Variants in CSRNP2 observed in about 807,000 individuals in gnomAD.
CSRNP2 encodes cysteine/serine-rich nuclear protein 2.
Under a neutral mutation model 36.6 loss-of-function variants are expected in CSRNP2, and 11 were observed. The ratio of observed to expected loss-of-function variants is 0.30; its 90% confidence interval spans 0.19 to 0.50. The LOEUF (loss-of-function observed/expected upper bound fraction) is 0.50. Ranked by LOEUF, CSRNP2 falls within the 20% of genes least tolerant of loss-of-function variation. The pLI, the probability that CSRNP2 is intolerant of heterozygous loss-of-function variation, is 0.98. For missense variants in CSRNP2, 483 were observed against 691.4 expected, an observed-to-expected ratio of 0.70 and a Z score of 3.38; for synonymous variants, 248 against 275.3, an observed-to-expected ratio of 0.90 and a Z score of 0.98.
At position 51,063,871 on chromosome 12, in the gene CSRNP2, AG is replaced by A; in HGVS notation, c.1506del (p.Trp503GlyfsTer19). Reference protein sequence around the residue: ...EEPENEDFHPSWSPSSLPFRT... With the variant: ...EEPENEDFHPXWSPSSLPFRT... The stretch of plus-strand genomic sequence containing the variant: ...CGGAAGGGGAGGCTTGAGGGGGACC[AG>A]GAAGGGTGGAAGTCTTCATTTTCAG... On this transcript the variant is annotated frameshift_variant, in exon 5 of 5. Transcript: ENST00000228515. LOFTEE classifies it high-confidence loss of function. The A allele has an allele frequency of 6.2e-7, 1 of 1,614,128 alleles. No homozygotes were observed. The highest frequency in any genetic ancestry group is 8.5e-7 in the Non-Finnish European group (1 of 1,180,000).
intron 3 of CSRNP2, among the ~76,000 whole-genome samples, 163 bp from the exon 4 acceptor site, chr12:51,068,132 A>G (rs967627622): frequency 6.6e-6 from 1 of 152,212 alleles, no homozygotes; most frequent in African/African-American, 2.4e-5. Context: ...ACTGAGCACT[A>G]GAAATGCAGC....
At chr12:51,064,978 C>G (rs1421331888) in intron 4 of CSRNP2, among the ~76,000 whole-genome samples, 1 of 152,106 alleles carries the variant, frequency 6.6e-6, no homozygotes, top group Non-Finnish European at 1.5e-5. Flanking sequence ...AGGGTCCTTC[C>G]AGTTAAGAGT....
chr12:51,071,825 T>C (rs1939172330), intron 3 of CSRNP2, among the ~76,000 whole-genome samples: 1 of 152,212 alleles, frequency 6.6e-6, no homozygotes, highest in African/African-American at 2.4e-5. Flanking sequence ...ATGCCTTCAC[T>C]GCAATTGATG....
intron 3 of CSRNP2, among the ~76,000 whole-genome samples, chr12:51,068,693 G>T (rs998828879): frequency 1.3e-5 from 2 of 152,066 alleles, no homozygotes; most frequent in Non-Finnish European, 2.9e-5. Context: ...GAGAGGAAAA[G>T]GTATGTGAAT....
At chr12:51,065,164 C>T (rs1304706946) in intron 4 of CSRNP2, among the ~76,000 whole-genome samples, 1 of 152,102 alleles carries the variant, frequency 6.6e-6, no homozygotes, top group Non-Finnish European at 1.5e-5. Flanking sequence ...AAAAAAAATA[C>T]ATTCTGGGGA....
At chr12:51,071,241 C>T (rs111562452) in intron 3 of CSRNP2, among the ~76,000 whole-genome samples, 53 of 134,104 alleles carry the variant, frequency 4.0e-4, no homozygotes, top group Admixed American at 4.2e-4. Flanking sequence ...GCCTGGGCAA[C>T]GGAGTGAGAC....
chr12:51,076,866 A>G (rs1939424121), intron 1 of CSRNP2: 2 of 246,022 alleles, frequency 8.1e-6, no homozygotes, highest in Non-Finnish European at 8.0e-6. Context: ...GATGGGTAGC[A>G]GCAGCACCTT....
chr12:51,069,479 GT>G (rs1938840062), intron 3 of CSRNP2, among the ~76,000 whole-genome samples: 1 of 149,318 alleles, frequency 6.7e-6, no homozygotes, highest in Non-Finnish European at 1.5e-5. Flanking sequence ...TAGAGACAGG[GT>G]TTCACAATGT....
Position 51,073,436 on chromosome 12 carries a change from T to TA in CSRNP2, c.411+386dup, listed in dbSNP as rs377604985. On this transcript the variant is annotated intron_variant, in intron 3 of 4. Transcript: ENST00000228515. ...CTATACCCCAAGGACAACAGTCAAA[T>TA]AAAAAAAAAAATCAGCTGGGTGCAG... Among the ~76,000 whole-genome samples, 165 of 144,982 alleles carry TA rather than the reference T, an allele frequency of 1.1e-3. No homozygotes were observed. In the East Asian group the frequency reaches 0.014, roughly 12 times the overall value.
Position 51,076,652 on chromosome 12 carries a change from C to CCCGCCG in CSRNP2, c.-86-6_-86-5insCGGCGG. 1 of 1,475,336 alleles carries CCCGCCG rather than the reference C, an allele frequency of 6.8e-7. No homozygotes were observed. The highest frequency in any genetic ancestry group is 1.4e-5 in the African/African-American group (1 of 71,366). The allele number at this position is 1,475,336 out of a possible 1,614,324, so 91.4% of individuals were successfully genotyped here. On this transcript the variant is annotated splice_polypyrimidine_tract_variant and splice_region_variant and intron_variant, in intron 1 of 4. Transcript: ENST00000228515. ...CTAGCCAGGTACATTAGGATTCTGC[C>CCCGCCG]CAGGGAAAAAAAGGAATCAGCATTC...
Position 51,063,721 on chromosome 12 carries a change from T to A in CSRNP2, c.*25A>T. 1 of 1,486,444 alleles carries A rather than the reference T, an allele frequency of 6.7e-7. No homozygotes were observed. Among genetic ancestry groups the A allele is most frequent in the Non-Finnish European group, 9.0e-7 (1 of 1,111,032 alleles). 92.1% of individuals were successfully genotyped at this position (1,486,444 alleles called of 1,614,324 possible). A position where few individuals can be genotyped will look rare whatever the true frequency, so the allele number is the denominator to read the frequency against. ...AATAAGGGAATAAATAGAGAATGGG[T>A]AAGAGGCAGGACCTCTAGCGCCTGT... On this transcript the variant is annotated 3_prime_UTR_variant, in exon 5 of 5. Coordinates refer to ENST00000228515, the MANE Select transcript of CSRNP2 (RefSeq NM_030809.3).
At chr12:51,081,894 G>A (rs1034516605) in intron 1 of CSRNP2, among the ~76,000 whole-genome samples, 1 of 151,660 alleles carries the variant, frequency 6.6e-6, no homozygotes, top group Non-Finnish European at 1.5e-5. Flanking sequence ...GACTGCCCAG[G>A]CAAAATTTTC....
Position 51,066,319 on chromosome 12 carries a change from G to A in CSRNP2, c.708+1354C>T, listed in dbSNP as rs1050294458. 4.6e-5 allele frequency among the ~76,000 whole-genome samples: 7 copies of A among 152,150 alleles called. No individual in the cohort carries two copies. The South Asian group carries it at 1.5e-3, about 32-fold the overall frequency. ...AATACAAAAATTAGCTGGGTGTGGT[G>A]GTGTGTGCCTATAGTCCCAGCTACT... On this transcript the variant is annotated intron_variant, in intron 4 of 4. Coordinates refer to ENST00000228515, the MANE Select transcript of CSRNP2 (RefSeq NM_030809.3).
chr12:51,066,649 A>AG (rs2136857730), intron 4 of CSRNP2, among the ~76,000 whole-genome samples: 2 of 151,622 alleles, frequency 1.3e-5, no homozygotes, highest in East Asian at 3.9e-4. Flanking sequence ...TCAAAAAAAA[A>AG]AAAGGGCAGC....
chr12:51,079,216 C>T (rs973919090), intron 1 of CSRNP2, among the ~76,000 whole-genome samples: 6 of 151,960 alleles, frequency 3.9e-5, no homozygotes, highest in African/African-American at 1.5e-4. Flanking sequence ...CACACCGGGG[C>T]CTGTCGTGGG....
At position 51,063,968 on chromosome 12, in the gene CSRNP2, G is replaced by A. The variant is rs1453013767; in HGVS notation, c.1410C>T (p.Leu470=). 6.2e-7 allele frequency: 1 copy of A among 1,613,214 alleles called. No homozygotes were observed. The highest frequency in any genetic ancestry group is 8.5e-7 in the Non-Finnish European group (1 of 1,179,190). Residue 470 remains leucine (L), a synonymous_variant, in exon 5 of 5, where the codon CTC becomes CTT. Transcript: ENST00000228515. ...VACSSTDPAA[L]CKSEVGKTPT... is the part of the protein sequence containing the mutation. ...GTGTTTTCCCCACCTCTGATTTACA[G>A]AGGGCAGCTGGGTCTGTGGAGCTAC...
intron 3 of CSRNP2, among the ~76,000 whole-genome samples, chr12:51,069,890 C>T (rs1046135498): frequency 2.0e-5 from 3 of 151,304 alleles, no homozygotes; most frequent in Non-Finnish European, 4.4e-5. Context: ...TTAGTAGAGA[C>T]GGGGTTTCAC....
intron 2 of CSRNP2, among the ~76,000 whole-genome samples, chr12:51,074,660 G>A (rs746601131): frequency 2.6e-5 from 4 of 152,198 alleles, no homozygotes; most frequent in Admixed American, 6.5e-5. Context: ...CAGCTGGGAA[G>A]AGGATCTCTA....
intron 1 of CSRNP2, chr12:51,081,501 G>A (rs1463606325): frequency 6.6e-6 from 1 of 152,176 alleles, no homozygotes; most frequent in Admixed American, 6.5e-5. Flanking sequence ...TAGCACCTAG[G>A]AATGCAGGTA....
Sources: gnomAD v4.1 joint callset for allele counts (sites outside exome capture counted in the v4.1 genomes callset) on GRCh38, gnomAD v4.1.1 for gene constraint, MANE v1.5 for transcripts, NCBI Gene and HGNC (gene_info 2026-07-23, HGNC 2026-07-21) for gene names.